DPRX: variants seen among roughly 807,000 people sequenced by gnomAD.
DPRX encodes the protein divergent-paired related homeobox.
Under a neutral mutation model 8.4 loss-of-function variants are expected in DPRX, and 11 were observed. That is an observed-to-expected ratio of 1.31 (90% CI 0.82 to 2.17). The LOEUF (loss-of-function observed/expected upper bound fraction) is 2.17, where lower values mean the gene tolerates loss of function less well. Among genes scored for constraint, DPRX ranks in the 30% most tolerant of loss-of-function variants. The pLI is 0.00. For synonymous variants in DPRX, 72 were observed against 87.0 expected (o/e 0.83, Z 0.96); for missense variants, 211 against 236.7 (o/e 0.89, Z 0.71).
chr19:53,627,211 T>C (rs1199170502), upstream of DPRX, among the ~76,000 whole-genome samples: 1 of 152,088 alleles, frequency 6.6e-6, no homozygotes, highest in Non-Finnish European at 1.5e-5. Context: ...AGAATGATAA[T>C]ATACAGCTGT....
At chr19:53,636,788 G>A (rs2091114602) in exon 3 of DPRX, 11 of 1,613,998 alleles carry the variant, frequency 6.8e-6, no homozygotes, top group Non-Finnish European at 9.3e-6. Context: ...GGGTCATCGA[G>A]TCCCCTCATT....
the DPRX span, chr19:53,602,111 C>T: frequency 3.1e-5 from 14 of 456,596 alleles, no homozygotes; most frequent in South Asian, 2.2e-4. Flanking sequence ...CTCCAGAGAA[C>T]AGGCGTTTGG....
chr19:53,635,066 G>A (rs1031260770), intron 2 of DPRX, among the ~76,000 whole-genome samples: 3 of 152,086 alleles, frequency 2.0e-5, no homozygotes, highest in South Asian at 2.1e-4. Flanking sequence ...TCGACCTCCC[G>A]GGCTCAAGCA....
the DPRX span, among the ~76,000 whole-genome samples, chr19:53,619,815 A>T: frequency 1.4e-5 from 2 of 147,588 alleles, no homozygotes; most frequent in Non-Finnish European, 3.0e-5. Context: ...AGATCATGCC[A>T]CTGCACTCCA....
chr19:53,605,858 G>T, the DPRX span, among the ~76,000 whole-genome samples: 1 of 150,756 alleles, frequency 6.6e-6, no homozygotes, highest in South Asian at 2.1e-4. Flanking sequence ...TGTTGAGATG[G>T]AAGTCTCCCT....
the DPRX span, among the ~76,000 whole-genome samples, chr19:53,604,730 C>T: frequency 6.6e-6 from 1 of 151,830 alleles, no homozygotes; most frequent in African/African-American, 2.4e-5. Flanking sequence ...GTAATCCCAG[C>T]TACTCCGGAG....
At chr19:53,614,859 C>T in the DPRX span, among the ~76,000 whole-genome samples, 3 of 151,904 alleles carry the variant, frequency 2.0e-5, no homozygotes, top group African/African-American at 4.8e-5. Flanking sequence ...GTGGCTCACA[C>T]CAGTAATCCT....
At chr19:53,629,694 A>C (rs546193134), upstream of DPRX, 33 of 151,798 alleles carry the variant, frequency 2.2e-4, no homozygotes, top group African/African-American at 7.7e-4. Flanking sequence ...TTCACCTCTA[A>C]AGATATACTG....
At chr19:53,617,170 C>T in the DPRX span, 27 of 1,053,044 alleles carry the variant, frequency 2.6e-5, no homozygotes, top group Non-Finnish European at 3.4e-5. Flanking sequence ...TTCTTCTATT[C>T]GTTGGATTCG....
At chr19:53,605,714 G>A in the DPRX span, among the ~76,000 whole-genome samples, 4 of 151,890 alleles carry the variant, frequency 2.6e-5, no homozygotes, top group Non-Finnish European at 5.9e-5. Flanking sequence ...ACCCAGGCTG[G>A]CGTGCAGTGG....
chr19:53,616,088 A>T, the DPRX span, among the ~76,000 whole-genome samples: 1 of 151,350 alleles, frequency 6.6e-6, no homozygotes, highest in South Asian at 2.1e-4. Flanking sequence ...CCCTGTCTCT[A>T]CTAAAAGTAC....
the DPRX span, among the ~76,000 whole-genome samples, chr19:53,607,716 G>A: frequency 0.68 from 101,327 of 148,846 alleles, 34,652 homozygotes; most frequent in Admixed American, 0.75. Flanking sequence ...CAAATTGGCC[G>A]GGTGTGGTGG....
upstream of DPRX, among the ~76,000 whole-genome samples, chr19:53,628,278 C>CTAAAA (rs1033919057): frequency 6.6e-4 from 101 of 152,076 alleles, no homozygotes; most frequent in African/African-American, 2.2e-3. Flanking sequence ...TCTCTGAAAC[C>CTAAAA]TAAAATAAAA....
At chr19:53,617,176 A>T in the DPRX span, 14 of 1,040,920 alleles carry the variant, frequency 1.3e-5, no homozygotes, top group African/African-American at 2.0e-4. Context: ...TATTCGTTGG[A>T]TTCGTCTGTG....
exon 3 of DPRX, chr19:53,636,936 G>C (rs747577055): frequency 1.2e-6 from 2 of 1,613,210 alleles, no homozygotes; most frequent in Non-Finnish European, 1.7e-6. Context: ...TGCGCTCCAA[G>C]CTTCCATTCT....
upstream of DPRX, among the ~76,000 whole-genome samples, chr19:53,627,849 G>A (rs1243431069): frequency 1.3e-5 from 2 of 151,006 alleles, no homozygotes; most frequent in South Asian, 4.2e-4. Flanking sequence ...TCAGGAGTTC[G>A]AGACCAGCCT....
the DPRX span, among the ~76,000 whole-genome samples, chr19:53,604,145 C>T: frequency 6.6e-6 from 1 of 152,110 alleles, no homozygotes; most frequent in Non-Finnish European, 1.5e-5. Context: ...TGTGTCCATG[C>T]TGTGAACGCT....
exon 3 of DPRX, chr19:53,636,844 C>T (rs1279473775): frequency 1.2e-6 from 2 of 1,614,030 alleles, no homozygotes; most frequent in African/African-American, 2.7e-5. Context: ...CAAATGACTT[C>T]ATTGGCCACA....
upstream of DPRX, chr19:53,629,615 T>C (rs2091083828): frequency 6.6e-6 from 1 of 151,872 alleles, no homozygotes; most frequent in African/African-American, 2.4e-5. Flanking sequence ...TACAGGCTCT[T>C]TTTAAATTGG....
Sources: gnomAD v4.1 joint callset for allele counts (sites outside exome capture counted in the v4.1 genomes callset) on GRCh38, gnomAD v4.1.1 for gene constraint, MANE v1.5 for transcripts, NCBI Gene and HGNC (gene_info 2026-07-23, HGNC 2026-07-21) for gene names.